The following ITGB5 variants were observed in gnomAD, a reference collection of about 807,000 sequenced individuals.
The protein encoded by ITGB5 is integrin beta-5.
A neutral mutation model predicts 84.8 loss-of-function variants in ITGB5; 38 were observed. The ratio of observed to expected loss-of-function variants is 0.45; its 90% confidence interval spans 0.35 to 0.59. The LOEUF is 0.59. Among genes scored for constraint, ITGB5 ranks in the 20% least tolerant of loss-of-function variants. The pLI is 0.01. For synonymous variants in ITGB5, 393 were observed against 414.4 expected (o/e 0.95, Z 0.63); for missense variants, 905 against 1,034.5 (o/e 0.87, Z 1.72).
At chr3:124,808,832 C>CT (rs1282241487) in intron 9 of ITGB5, among the ~76,000 whole-genome samples, 190 bp downstream of exon 9, 2 of 152,212 alleles carry the variant, frequency 1.3e-5, no homozygotes, top group Non-Finnish European at 2.9e-5. Context: ...TGACTGGGCT[C>CT]TTTAACAAGT....
intron 14 of ITGB5, among the ~76,000 whole-genome samples, chr3:124,764,110 G>A (rs114423829): frequency 0.015 from 2,231 of 152,242 alleles, 23 homozygotes; most frequent in Middle Eastern, 0.031. Flanking sequence ...CTGTTGGTCT[G>A]TGCTCTCTCT....
intron 1 of ITGB5, 100 bp from the exon 2 acceptor site, chr3:124,873,631 C>T: frequency 1.1e-6 from 1 of 896,164 alleles, no homozygotes; most frequent in Non-Finnish European, 1.9e-6. Context: ...TAACAGGAGG[C>T]CTCTCTGAGT....
At chr3:124,873,792 A>C (rs577244019) in intron 1 of ITGB5, among the ~76,000 whole-genome samples, 1 of 152,160 alleles carries the variant, frequency 6.6e-6, no homozygotes, top group South Asian at 2.1e-4. Flanking sequence ...CATTTTCCCC[A>C]TAACTCAGCA....
intron 1 of ITGB5, among the ~76,000 whole-genome samples, chr3:124,884,678 G>A (rs1579343157): frequency 6.6e-6 from 1 of 152,098 alleles, no homozygotes; most frequent in East Asian, 1.9e-4. Context: ...CAACAAGAGT[G>A]AGACTCTGTC....
intron 1 of ITGB5, among the ~76,000 whole-genome samples, chr3:124,898,657 A>AAG (rs1308883197): frequency 6.7e-6 from 1 of 148,470 alleles, no homozygotes; most frequent in African/African-American, 2.5e-5. Flanking sequence ...AAAAAAAAAA[A>AAG]AAAAAAAAAA....
upstream of ITGB5, among the ~76,000 whole-genome samples, chr3:124,889,834 C>T (rs1032118427): frequency 7.2e-5 from 11 of 152,088 alleles, no homozygotes; most frequent in African/African-American, 1.2e-4. Context: ...CTAAACATGG[C>T]GAAACCCTGT....
intron 9 of ITGB5, among the ~76,000 whole-genome samples, chr3:124,797,470 G>GA (rs1349377231): frequency 6.6e-6 from 1 of 152,206 alleles, no homozygotes; most frequent in African/African-American, 2.4e-5. Context: ...AGGTCTTAAA[G>GA]AAGAGTCTCC....
At chr3:124,863,981 A>G (rs1006082974) in intron 2 of ITGB5, among the ~76,000 whole-genome samples, 10 of 151,446 alleles carry the variant, frequency 6.6e-5, no homozygotes, top group Admixed American at 4.0e-4. Flanking sequence ...AAAAAAGAAA[A>G]AAAAAGAAAA....
intron 5 of ITGB5, among the ~76,000 whole-genome samples, chr3:124,835,953 C>T (rs560202569): frequency 2.0e-4 from 31 of 152,232 alleles, no homozygotes; most frequent in African/African-American, 7.5e-4. Flanking sequence ...GACAAAAAAG[C>T]AAAATCAAAG....
At chr3:124,876,481 T>C (rs918240350) in intron 1 of ITGB5, among the ~76,000 whole-genome samples, 2 of 152,154 alleles carry the variant, frequency 1.3e-5, no homozygotes, top group African/African-American at 4.8e-5. Flanking sequence ...GCAAAACTGC[T>C]GACTGGCAGA....
At chr3:124,868,351 G>C (rs1406713024) in intron 2 of ITGB5, among the ~76,000 whole-genome samples, 2 of 152,160 alleles carry the variant, frequency 1.3e-5, no homozygotes, top group Non-Finnish European at 2.9e-5. Context: ...GCTGCAGAGA[G>C]GCAGGGGCAG....
rs368619656 is a variant in ITGB5 at position 124,821,302 on chromosome 3, C to T, written c.942+11G>A. On this transcript the variant is annotated intron_variant, in intron 6 of 14. Coordinates refer to ENST00000296181, the MANE Select transcript of ITGB5 (RefSeq NM_002213.5). ...GCAACAGGGAGGGGGGATCTGGTTCCCGGCACTCACCATCTGGTTGGATGC... is the reference window on the plus strand; with the variant it reads ...GCAACAGGGAGGGGGGATCTGGTTCTCGGCACTCACCATCTGGTTGGATGC... 1 of 1,607,920 alleles carries T rather than the reference C, an allele frequency of 6.2e-7. No homozygotes were observed. Among genetic ancestry groups the T allele is most frequent in the South Asian group, 1.1e-5 (1 of 90,068 alleles).
rs577249307 is a variant in ITGB5 at position 124,763,128 on chromosome 3, T to C, written c.*495A>G. On this transcript the variant is annotated 3_prime_UTR_variant, in exon 15 of 15. Transcript: ENST00000296181. ...ATCACCAACACCTGTGTGCAAGGCA[T>C]AGCCATCACGCAGAAAAGTCTCAGG... The C allele has an allele frequency of 1.4e-4, 22 of 154,760 alleles. No individual in the cohort carries two copies. Among genetic ancestry groups the C allele is most frequent in the Non-Finnish European group, 2.7e-4 (19 of 69,540 alleles). 9.6% of individuals were successfully genotyped at this position (154,760 alleles called of 1,614,324 possible).
intron 10 of ITGB5, among the ~76,000 whole-genome samples, chr3:124,776,160 A>G (rs949652018): frequency 2.0e-5 from 3 of 152,186 alleles, no homozygotes; most frequent in African/African-American, 7.2e-5. Flanking sequence ...AGTGTCTCGC[A>G]GCTCAAGGGT....
chr3:124,841,335 T>C, intron 5 of ITGB5, 48 bp downstream of exon 5: 5 of 1,581,232 alleles, frequency 3.2e-6, no homozygotes, highest in Non-Finnish European at 4.3e-6. Flanking sequence ...ACTGACGCTC[T>C]CTACCTTGAC....
chr3:124,872,571 C>T (rs536524921), intron 2 of ITGB5, among the ~76,000 whole-genome samples: 43 of 152,278 alleles, frequency 2.8e-4, no homozygotes, highest in Admixed American at 9.8e-4. Context: ...ACAGGGACCA[C>T]GCACTGCATT....
intron 10 of ITGB5, among the ~76,000 whole-genome samples, chr3:124,787,290 T>A (rs553914994): frequency 1.7e-4 from 26 of 152,220 alleles, no homozygotes; most frequent in African/African-American, 6.3e-4. Flanking sequence ...GGACACAGGA[T>A]CTGAGCGGTA....
chr3:124,777,832 A>G (rs906764534), intron 10 of ITGB5, among the ~76,000 whole-genome samples: 1 of 152,216 alleles, frequency 6.6e-6, no homozygotes, highest in Non-Finnish European at 1.5e-5. Flanking sequence ...ATCCCAATCC[A>G]AATGTCTCAG....
chr3:124,777,009 G>C (rs1465790431), intron 10 of ITGB5, among the ~76,000 whole-genome samples: 4 of 152,222 alleles, frequency 2.6e-5, no homozygotes, highest in Non-Finnish European at 4.4e-5. Context: ...TGGCTGGGGG[G>C]CAGGGAAGCC....
Sources: allele counts gnomAD v4.1 joint callset (sites outside exome capture counted in the v4.1 genomes callset), GRCh38; gene constraint gnomAD v4.1.1; transcripts MANE v1.5; gene names NCBI Gene and HGNC (gene_info 2026-07-23, HGNC 2026-07-21).